Variants in EPHA6 observed in about 807,000 individuals in gnomAD.
EPHA6 encodes the protein ephrin type-A receptor 6.
A neutral mutation model predicts 112.0 loss-of-function variants in EPHA6; 50 were observed. That is an observed-to-expected ratio of 0.45 (90% CI 0.36 to 0.56). The LOEUF is 0.56. EPHA6 is among the 20% of genes least tolerant of loss of function. The pLI is 0.00. For synonymous variants in EPHA6, 529 were observed against 490.7 expected, an observed-to-expected ratio of 1.08 and a Z score of -1.03; for missense variants, 1,280 against 1,417.4, an observed-to-expected ratio of 0.90 and a Z score of 1.56.
At chr3:97,372,004 G>A (rs576349379) in intron 5 of EPHA6, among the ~76,000 whole-genome samples, 67 of 152,210 alleles carry the variant, frequency 4.4e-4, no homozygotes, top group African/African-American at 1.5e-3. Flanking sequence ...ATGTGTGTCC[G>A]AAACTTCATT....
intron 13 of EPHA6, among the ~76,000 whole-genome samples, chr3:97,632,572 G>C (rs2093912697): frequency 6.6e-6 from 1 of 151,850 alleles, no homozygotes; most frequent in African/African-American, 2.4e-5. Context: ...TTGTTAGAAG[G>C]AATAAACTTG....
At chr3:97,331,868 A>G (rs756356441) in intron 5 of EPHA6, among the ~76,000 whole-genome samples, 47 of 152,300 alleles carry the variant, frequency 3.1e-4, no homozygotes, top group Non-Finnish European at 5.6e-4. Context: ...AACTATTCTA[A>G]TCAATAGAAA....
chr3:96,936,522 T>A (rs1040365447), intron 2 of EPHA6, among the ~76,000 whole-genome samples: 1 of 152,038 alleles, frequency 6.6e-6, no homozygotes, highest in Non-Finnish European at 1.5e-5. Context: ...TTTCTGTAAT[T>A]CTTTTTGTTC....
intron 14 of EPHA6, among the ~76,000 whole-genome samples, chr3:97,663,862 G>A (rs2094187360): frequency 6.6e-6 from 1 of 152,130 alleles, no homozygotes; most frequent in African/African-American, 2.4e-5. Flanking sequence ...TAATGGGATG[G>A]CTGGGTCAAA....
At chr3:97,026,243 T>C (rs1372835838) in intron 3 of EPHA6, among the ~76,000 whole-genome samples, 2 of 152,038 alleles carry the variant, frequency 1.3e-5, no homozygotes, top group African/African-American at 4.8e-5. Context: ...CGGATTGCCA[T>C]GGCCAATCGG....
chr3:97,393,406 A>G (rs1056334510), intron 5 of EPHA6, among the ~76,000 whole-genome samples: 2 of 151,920 alleles, frequency 1.3e-5, no homozygotes, highest in Non-Finnish European at 2.9e-5. Flanking sequence ...AGACAAGCTT[A>G]ACAGTGAGCA....
intron 3 of EPHA6, among the ~76,000 whole-genome samples, chr3:97,075,614 A>T (rs1465473792): frequency 6.6e-6 from 1 of 152,146 alleles, no homozygotes; most frequent in East Asian, 1.9e-4. Context: ...AACATGCTGG[A>T]CATGTCTCCC....
intron 3 of EPHA6, among the ~76,000 whole-genome samples, chr3:97,185,849 G>A (rs914593095): frequency 1.3e-5 from 2 of 152,058 alleles, no homozygotes; most frequent in Non-Finnish European, 2.9e-5. Context: ...TTAAGAAAAT[G>A]TGGCACATAT....
intron 14 of EPHA6, 80 bp from the exon 15 acceptor site, chr3:97,720,181 T>A (rs1185864475): frequency 2.4e-6 from 3 of 1,271,158 alleles, no homozygotes; most frequent in Non-Finnish European, 2.1e-6. Context: ...ATCTTTCTAA[T>A]AAAAAATATT....
chr3:97,047,298 A>C, intron 3 of EPHA6, among the ~76,000 whole-genome samples: 1 of 151,982 alleles, frequency 6.6e-6, no homozygotes, highest in East Asian at 1.9e-4. Flanking sequence ...CAGGAGATCA[A>C]GACCATCCTG....
chr3:96,815,087 C>G (rs1452507865), intron 1 of EPHA6, 79 bp downstream of exon 1: 9 of 1,375,506 alleles, frequency 6.5e-6, no homozygotes, highest in African/African-American at 5.9e-5. Flanking sequence ...TTGCCTCCTG[C>G]AGGTAACTTT....
At chr3:97,385,230 A>G (rs901304440) in intron 5 of EPHA6, among the ~76,000 whole-genome samples, 1 of 152,192 alleles carries the variant, frequency 6.6e-6, no homozygotes, top group African/African-American at 2.4e-5. Flanking sequence ...TTTAAGAATT[A>G]TATTCAAGGG....
rs568780913 is a variant in EPHA6 at position 96,907,763 on chromosome 3, A to T, written c.450+40874A>T. Among the ~76,000 whole-genome samples, 253 of 152,066 alleles carry T rather than the reference A, an allele frequency of 1.7e-3. 2 individuals carry two copies. The highest frequency in any genetic ancestry group is 3.9e-3 in the South Asian group (19 of 4,828). The stretch of plus-strand genomic sequence containing the variant: ...TTTGTGTAATATGAAAAAATAATTT[A>T]CAACATACCTTGAGTTATACAACCT... On this transcript the variant is annotated intron_variant, in intron 2 of 17. Transcript: ENST00000389672.
At chr3:97,555,539 C>A (rs983238289) in intron 11 of EPHA6, among the ~76,000 whole-genome samples, 1 of 151,634 alleles carries the variant, frequency 6.6e-6, no homozygotes, top group Non-Finnish European at 1.5e-5. Context: ...AGTTTACAGT[C>A]CCAACAGTGT....
chr3:96,925,011 T>G (rs766094973), intron 2 of EPHA6, among the ~76,000 whole-genome samples: 2 of 152,120 alleles, frequency 1.3e-5, no homozygotes, highest in Non-Finnish European at 2.9e-5. Flanking sequence ...GGATAATTGT[T>G]TTGATGTGCT....
At chr3:97,736,246 C>T (rs1426718124) in intron 16 of EPHA6, 128 bp downstream of exon 16, 3 of 580,738 alleles carry the variant, frequency 5.2e-6, no homozygotes, top group Non-Finnish European at 8.3e-6. Flanking sequence ...TTTGTGGAAA[C>T]CATATTTCAT....
intron 2 of EPHA6, among the ~76,000 whole-genome samples, chr3:96,883,932 C>T (rs1361218832): frequency 6.6e-6 from 1 of 152,100 alleles, no homozygotes; most frequent in African/African-American, 2.4e-5. Context: ...TTGTCCTCCC[C>T]AAAGTGCTAG....
chr3:97,226,822 G>C (rs1559811726), intron 4 of EPHA6, among the ~76,000 whole-genome samples: 1 of 152,312 alleles, frequency 6.6e-6, no homozygotes, highest in South Asian at 2.1e-4. Flanking sequence ...GCGTGAGGGA[G>C]ATTCCAGAGG....
chr3:97,072,485 A>G (rs1172732283), intron 3 of EPHA6, among the ~76,000 whole-genome samples: 1 of 152,126 alleles, frequency 6.6e-6, no homozygotes, highest in Non-Finnish European at 1.5e-5. Context: ...CACAGCCGTT[A>G]GAAGGCACCA....
Sources: allele counts gnomAD v4.1 joint callset (sites outside exome capture counted in the v4.1 genomes callset), GRCh38; gene constraint gnomAD v4.1.1; transcripts MANE v1.5; gene names NCBI Gene and HGNC (gene_info 2026-07-23, HGNC 2026-07-21).